Variants in SLC35H1 observed in about 807,000 individuals in gnomAD.
SLC35H1 encodes the protein solute carrier family 35 member H1, also known as ovarian cancer-overexpressed gene 1 protein.
chr20:46,349,505 T>C, the SLC35H1 span: 2 of 152,274 alleles, frequency 1.3e-5, no homozygotes, highest in African/African-American at 2.4e-5. Flanking sequence ...TTCCAGGCTT[T>C]AGTCTCTTAG....
the SLC35H1 span, chr20:46,352,326 T>C: frequency 9.7e-7 from 1 of 1,030,782 alleles, no homozygotes; most frequent in Admixed American, 2.2e-5. Flanking sequence ...TAGTGAGTTC[T>C]TACTGAGACC....
chr20:46,346,518 C>T, the SLC35H1 span: 3 of 152,208 alleles, frequency 2.0e-5, no homozygotes, highest in Non-Finnish European at 4.4e-5. Context: ...CGATGGCTCA[C>T]ACCTGTAATC....
At chr20:46,352,461 G>A in the SLC35H1 span, 1 of 526,468 alleles carries the variant, frequency 1.9e-6, no homozygotes. Flanking sequence ...GGCAATACAA[G>A]CCAGATCCTA....
chr20:46,360,544 T>A, the SLC35H1 span, among the ~76,000 whole-genome samples: 3 of 25,502 alleles, frequency 1.2e-4, no homozygotes, highest in South Asian at 3.1e-3. Flanking sequence ...TATTTATATT[T>A]TATTTTATTT....
the SLC35H1 span, chr20:46,357,614 CCCA>C: frequency 6.2e-7 from 1 of 1,612,034 alleles, no homozygotes; most frequent in South Asian, 1.1e-5. Context: ...ACTGAGGTCC[CCCA>C]CCTACCTGTG....
chr20:46,352,315 G>A, the SLC35H1 span: 24 of 1,174,740 alleles, frequency 2.0e-5, no homozygotes, highest in African/African-American at 3.1e-5. Flanking sequence ...TTCCACTGTA[G>A]TAGTGAGTTC....
At chr20:46,353,774 T>C in the SLC35H1 span, among the ~76,000 whole-genome samples, 5 of 151,760 alleles carry the variant, frequency 3.3e-5, no homozygotes, top group Non-Finnish European at 5.9e-5. Context: ...AGATGGGGCA[T>C]GGTGTAAACA....
At chr20:46,346,471 G>C in the SLC35H1 span, 42 of 152,078 alleles carry the variant, frequency 2.8e-4, no homozygotes, top group African/African-American at 9.9e-4. Flanking sequence ...TTCCGCTAGT[G>C]GAAATTCCTT....
the SLC35H1 span, chr20:46,350,119 G>A: frequency 3.4e-6 from 1 of 291,262 alleles, no homozygotes; most frequent in Non-Finnish European, 6.4e-6. Context: ...CCTGGGAAGT[G>A]GTGGGAAGAA....
the SLC35H1 span, chr20:46,355,683 G>T: frequency 6.9e-7 from 1 of 1,457,684 alleles, no homozygotes; most frequent in Non-Finnish European, 9.3e-7. The surrounding 1 kb of genome is among the most constrained non-coding windows in gnomAD (Gnocchi z 4.8). Flanking sequence ...GGGATCTACT[G>T]CCACCTGGAC....
At chr20:46,355,020 G>T in the SLC35H1 span, 8 of 1,613,640 alleles carry the variant, frequency 5.0e-6, no homozygotes, top group East Asian at 1.8e-4. This position sits in a 1 kb window ranked among gnomAD's most constrained non-coding sequence, Gnocchi z 4.8. Context: ...CCCTGCCTCC[G>T]CCCTGCCTGT....
the SLC35H1 span, chr20:46,357,543 T>C: frequency 1.3e-6 from 2 of 1,509,548 alleles, no homozygotes; most frequent in Non-Finnish European, 1.8e-6. Flanking sequence ...CTTCCAGACA[T>C]GCGGGTGTCT....
the SLC35H1 span, chr20:46,357,512 AG>A: frequency 7.7e-7 from 1 of 1,296,342 alleles, no homozygotes; most frequent in East Asian, 2.3e-5. Flanking sequence ...GGAACAGTGC[AG>A]GAAGAGGGGA....
chr20:46,358,545 G>C, the SLC35H1 span: 1 of 1,614,116 alleles, frequency 6.2e-7, no homozygotes, highest in Non-Finnish European at 8.5e-7. Flanking sequence ...GAGTCAGCGG[G>C]GGCAGGCACC....
the SLC35H1 span, chr20:46,352,018 A>G: frequency 6.2e-7 from 1 of 1,609,218 alleles, no homozygotes; most frequent in Non-Finnish European, 8.5e-7. Flanking sequence ...CTCCCTCTCT[A>G]AGACAGGACT....
At chr20:46,356,539 C>G in the SLC35H1 span, 3 of 1,611,772 alleles carry the variant, frequency 1.9e-6, no homozygotes, top group Non-Finnish European at 2.5e-6. Context: ...CAGCTTCAGC[C>G]TGAAGGGAGG....
chr20:46,355,339 C>T, the SLC35H1 span: 1 of 1,360,310 alleles, frequency 7.4e-7, no homozygotes. This position sits in a 1 kb window ranked among gnomAD's most constrained non-coding sequence, Gnocchi z 4.8. Context: ...CTTGGCTGCC[C>T]CTGGGGCAAG....
chr20:46,355,131 C>T, the SLC35H1 span: 34 of 1,614,138 alleles, frequency 2.1e-5, no homozygotes, highest in East Asian at 4.0e-4. The surrounding 1 kb of genome is among the most constrained non-coding windows in gnomAD (Gnocchi z 4.8). Flanking sequence ...CACCGATGAA[C>T]GAGGCCCCCA....
At chr20:46,360,081 A>G in the SLC35H1 span, among the ~76,000 whole-genome samples, 1 of 152,210 alleles carries the variant, frequency 6.6e-6, no homozygotes, top group South Asian at 2.1e-4. Context: ...GGCAGTCCAC[A>G]TAGCCAATTA....
Sources: allele counts gnomAD v4.1 joint callset (sites outside exome capture counted in the v4.1 genomes callset), GRCh38; gene constraint gnomAD v4.1.1; non-coding constraint Gnocchi (gnomAD v3.1); transcripts MANE v1.5; gene names NCBI Gene and HGNC (gene_info 2026-07-23, HGNC 2026-07-21).